PCCA: variants seen among roughly 807,000 people sequenced by gnomAD.
The protein encoded by PCCA is propionyl-CoA carboxylase subunit alpha.
Under a neutral mutation model 101.3 loss-of-function variants are expected in PCCA, and 74 were observed. The observed-to-expected ratio is 0.73, with a 90% CI of 0.61 to 0.89. The LOEUF (loss-of-function observed/expected upper bound fraction) is 0.89, where lower values mean the gene tolerates loss of function less well. PCCA is among the 40% of genes least tolerant of loss of function. The pLI is 0.00. For missense variants in PCCA, 891 were observed against 907.0 expected, an observed-to-expected ratio of 0.98 and a Z score of 0.23; for synonymous variants, 294 against 313.6, an observed-to-expected ratio of 0.94 and a Z score of 0.66.
At chr13:100,210,908 A>G (rs369772869) in intron 7 of PCCA, among the ~76,000 whole-genome samples, 6 of 152,258 alleles carry the variant, frequency 3.9e-5, no homozygotes, top group African/African-American at 1.4e-4. Flanking sequence ...ATGTGTATCC[A>G]TGTTGTTTCT....
At chr13:100,152,178 T>G (rs556698362) in intron 4 of PCCA, among the ~76,000 whole-genome samples, 34 of 152,314 alleles carry the variant, frequency 2.2e-4, no homozygotes, top group African/African-American at 7.7e-4. Flanking sequence ...GGCTAGACTG[T>G]GGGCTTGTTG....
chr13:100,405,840 T>C (rs1296496548), intron 19 of PCCA, among the ~76,000 whole-genome samples: 1 of 148,924 alleles, frequency 6.7e-6, no homozygotes, highest in Non-Finnish European at 1.5e-5. Context: ...AATCTCGGCT[T>C]ACTGCAACCT....
chr13:100,470,661 A>G (rs956552555), intron 21 of PCCA, among the ~76,000 whole-genome samples: 8 of 152,074 alleles, frequency 5.3e-5, no homozygotes, highest in Admixed American at 1.3e-4. Context: ...GCAAAAAAAT[A>G]AAAATAAAAA....
chr13:100,172,329 TA>T (rs1284561374), intron 6 of PCCA, among the ~76,000 whole-genome samples: 11 of 152,354 alleles, frequency 7.2e-5, no homozygotes, highest in Admixed American at 6.5e-4. Context: ...TATTTTTATT[TA>T]GTTTTTTTTA....
intron 21 of PCCA, among the ~76,000 whole-genome samples, chr13:100,497,285 G>A (rs1394855404): frequency 6.6e-6 from 1 of 152,040 alleles, no homozygotes; most frequent in East Asian, 1.9e-4. Flanking sequence ...ACTTTTTTGA[G>A]GGTGAAAATT....
At chr13:100,420,240 ACACT>A (rs2078658143) in intron 19 of PCCA, among the ~76,000 whole-genome samples, 1 of 152,202 alleles carries the variant, frequency 6.6e-6, no homozygotes, top group Non-Finnish European at 1.5e-5. Context: ...TGTGAGCAAA[ACACT>A]CACTTTATAA....
At chr13:100,337,884 G>T (rs2070739921) in intron 17 of PCCA, among the ~76,000 whole-genome samples, 1 of 152,158 alleles carries the variant, frequency 6.6e-6, no homozygotes, top group Non-Finnish European at 1.5e-5. Flanking sequence ...TCCTGACATA[G>T]TATGCACATA....
chr13:100,169,919 C>T (rs532803350), intron 6 of PCCA, among the ~76,000 whole-genome samples: 3 of 152,218 alleles, frequency 2.0e-5, no homozygotes, highest in Non-Finnish European at 4.4e-5. Flanking sequence ...AGGCTGGTCT[C>T]AAACTGCTGA....
At chr13:100,395,067 C>A (rs770669642) in intron 19 of PCCA, among the ~76,000 whole-genome samples, 7 of 152,186 alleles carry the variant, frequency 4.6e-5, no homozygotes, top group Non-Finnish European at 7.4e-5. Flanking sequence ...CTAAAACTTT[C>A]TTTGCTCTAA....
chr13:100,506,845 A>C (rs750072272), intron 21 of PCCA, among the ~76,000 whole-genome samples: 2 of 152,196 alleles, frequency 1.3e-5, no homozygotes, highest in Non-Finnish European at 2.9e-5. Flanking sequence ...GCTTATCTAC[A>C]TAATTGTGTT....
At chr13:100,461,183 C>G (rs930115224) in intron 21 of PCCA, among the ~76,000 whole-genome samples, 4 of 152,202 alleles carry the variant, frequency 2.6e-5, no homozygotes, top group Non-Finnish European at 5.9e-5. Flanking sequence ...GTTGTTATTG[C>G]TACTATAGAA....
intron 2 of PCCA, among the ~76,000 whole-genome samples, chr13:100,103,722 G>A (rs1315156287): frequency 1.3e-5 from 2 of 151,862 alleles, no homozygotes; most frequent in African/African-American, 4.8e-5. Flanking sequence ...TGCAACCTCC[G>A]CCTCCCGGCT....
intron 18 of PCCA, among the ~76,000 whole-genome samples, chr13:100,342,872 C>G (rs1415133650): frequency 2.0e-5 from 3 of 151,790 alleles, no homozygotes; most frequent in African/African-American, 7.3e-5. Context: ...CAGGAACATA[C>G]CACCACGCCT....
chr13:100,259,360 A>G (rs1340361198), intron 9 of PCCA, among the ~76,000 whole-genome samples: 1 of 113,422 alleles, frequency 8.8e-6, no homozygotes, highest in Non-Finnish European at 1.7e-5. Flanking sequence ...TTTGAGACAG[A>G]GTCTCTCTCT....
At chr13:100,359,825 C>T (rs1223391479) in intron 18 of PCCA, among the ~76,000 whole-genome samples, 1 of 152,184 alleles carries the variant, frequency 6.6e-6, no homozygotes, top group African/African-American at 2.4e-5. Flanking sequence ...ATATCCTGCT[C>T]ATGGACTGGA....
At chr13:100,384,280 C>T (rs921397362) in intron 19 of PCCA, among the ~76,000 whole-genome samples, 1 of 152,220 alleles carries the variant, frequency 6.6e-6, no homozygotes, top group Non-Finnish European at 1.5e-5. Context: ...CCCGCTTCAG[C>T]CTCCCAAAGT....
chr13:100,424,193 G>C (rs1297043869), intron 19 of PCCA, among the ~76,000 whole-genome samples: 1 of 152,170 alleles, frequency 6.6e-6, no homozygotes, highest in Non-Finnish European at 1.5e-5. Context: ...AGGTATTATA[G>C]GTAATCTAGA....
chr13:100,405,779 T>G (rs1249140614), intron 19 of PCCA, among the ~76,000 whole-genome samples: 2 of 148,422 alleles, frequency 1.3e-5, no homozygotes. Context: ...CTTTTTTTTT[T>G]TTTTTTTTTT....
chr13:100,118,543 TG>T (rs1169918394), intron 4 of PCCA, among the ~76,000 whole-genome samples: 1 of 152,084 alleles, frequency 6.6e-6, no homozygotes, highest in Non-Finnish European at 1.5e-5. Context: ...TCATAAGTGA[TG>T]TTCTTTCTTT....
Sources: allele counts gnomAD v4.1 joint callset (sites outside exome capture counted in the v4.1 genomes callset), GRCh38; gene constraint gnomAD v4.1.1; transcripts MANE v1.5; gene names NCBI Gene and HGNC (gene_info 2026-07-23, HGNC 2026-07-21).